Variants in EIF2AK4 observed in about 807,000 individuals in gnomAD.
EIF2AK4 encodes the protein eukaryotic translation initiation factor 2 alpha kinase 4, also known as eIF-2-alpha kinase GCN2.
In EIF2AK4, 139 loss-of-function variants were observed where a neutral mutation model predicts 211.1. The observed-to-expected ratio is 0.66, with a 90% CI of 0.57 to 0.76. The LOEUF (loss-of-function observed/expected upper bound fraction) is 0.76, where lower values mean the gene tolerates loss of function less well. Among genes scored for constraint, EIF2AK4 ranks in the 30% least tolerant of loss-of-function variants. EIF2AK4 has a pLI of 0.00. For synonymous variants in EIF2AK4, 710 were observed against 751.3 expected (o/e 0.94, Z 0.90); for missense variants, 1,664 against 2,043.8 (o/e 0.81, Z 3.58).
At chr15:39,960,941 G>A (rs2034463274) in intron 6 of EIF2AK4, among the ~76,000 whole-genome samples, 1 of 152,122 alleles carries the variant, frequency 6.6e-6, no homozygotes, top group Non-Finnish European at 1.5e-5. Context: ...AGAATGAGAG[G>A]GTGATCTCTC....
At chr15:39,987,538 G>T (rs1225750381) in intron 14 of EIF2AK4, among the ~76,000 whole-genome samples, 1 of 152,266 alleles carries the variant, frequency 6.6e-6, no homozygotes, top group African/African-American at 2.4e-5. Flanking sequence ...AGACTTGAAT[G>T]TTTTAATATT....
rs1434311420 is a variant in EIF2AK4 at position 40,019,081 on chromosome 15, G to A, written c.4066-12G>A. ...CTATTTCATAACCATAACTGTTTGT[G>A]TCTCTCCACAGATTCCCCAGTTTAG... On this transcript the variant is annotated splice_polypyrimidine_tract_variant and intron_variant, in intron 29 of 38. Coordinates refer to ENST00000263791, the MANE Select transcript of EIF2AK4 (RefSeq NM_001013703.4). 3 of 1,586,944 alleles carry A rather than the reference G, an allele frequency of 1.9e-6. No individual in the cohort carries two copies. Among genetic ancestry groups the A allele is most frequent in the East Asian group, 2.3e-5 (1 of 44,422 alleles).
Position 40,031,037 on chromosome 15 carries a change from C to T in EIF2AK4, c.4659+581C>T, listed in dbSNP as rs139969546. 6.7e-3 allele frequency among the ~76,000 whole-genome samples: 1,023 copies of T among 152,158 alleles called. 14 individuals carry two copies. Among genetic ancestry groups the T allele is most frequent in the East Asian group, 0.026 (137 of 5,182 alleles). On this transcript the variant is annotated intron_variant, in intron 35 of 38. Transcript: ENST00000263791. The stretch of plus-strand genomic sequence containing the variant: ...GGCGGATCACTTGAGGTCAGGAGTT[C>T]GAGACCACCCTGGCCAACATGGTGA...
intron 14 of EIF2AK4, among the ~76,000 whole-genome samples, chr15:39,987,484 C>G (rs1181155825): frequency 6.6e-6 from 1 of 152,186 alleles, no homozygotes; most frequent in Non-Finnish European, 1.5e-5. Flanking sequence ...TGTGAATACA[C>G]TCAAGAAGGG....
At chr15:39,975,528 C>G (rs2034682155) in intron 11 of EIF2AK4, 1 of 152,216 alleles carries the variant, frequency 6.6e-6, no homozygotes, top group Non-Finnish European at 1.5e-5. Context: ...CTCAGTTGAC[C>G]TGCACGGATG....
rs746660910 is a variant in EIF2AK4 at position 40,030,347 on chromosome 15, TCTTG to T, written c.4562-11_4562-8del. 1.2e-5 allele frequency: 20 copies of T among 1,613,264 alleles called. No individual in the cohort carries two copies. The Admixed American group carries it at 2.3e-4, about 19-fold the overall frequency. Reference sequence around the variant, plus strand: ...GATAAGGCCATAAATTCTGAAACTCTCTTGGTCTCAGGTTTGTTTGAAATCCATG... The same window carrying T: ...GATAAGGCCATAAATTCTGAAACTCTGTCTCAGGTTTGTTTGAAATCCATG... On this transcript the variant is annotated splice_polypyrimidine_tract_variant and splice_region_variant and intron_variant, in intron 34 of 38. Transcript: ENST00000263791.
At chr15:39,992,146 T>C (rs774902893) in intron 16 of EIF2AK4, 29 bp from the exon 17 acceptor site, 66 of 1,595,096 alleles carry the variant, frequency 4.1e-5, no homozygotes, top group Non-Finnish European at 5.5e-5. Context: ...CATGTTTTAA[T>C]TGGATATTTG....
chr15:39,997,760 C>T (rs985922254), intron 19 of EIF2AK4, among the ~76,000 whole-genome samples: 4 of 152,140 alleles, frequency 2.6e-5, no homozygotes, highest in Non-Finnish European at 5.9e-5. Flanking sequence ...ACTGCCTGAG[C>T]TAAAAAGGGA....
chr15:39,953,686 A>G (rs1029564663), intron 4 of EIF2AK4, among the ~76,000 whole-genome samples: 3 of 152,238 alleles, frequency 2.0e-5, no homozygotes, highest in African/African-American at 7.2e-5. Flanking sequence ...GCCCCTCCCC[A>G]CACACGCTCA....
chr15:40,008,748 T>A (rs1452447692), intron 25 of EIF2AK4, among the ~76,000 whole-genome samples: 1 of 152,106 alleles, frequency 6.6e-6, no homozygotes, highest in African/African-American at 2.4e-5. Flanking sequence ...GTTGGCCACC[T>A]TTTCTTCTCA....
intron 9 of EIF2AK4, among the ~76,000 whole-genome samples, chr15:39,970,501 C>T (rs939052681): frequency 1.3e-5 from 2 of 151,998 alleles, no homozygotes; most frequent in Admixed American, 6.6e-5. Context: ...TAAATAAATT[C>T]TGGTAGGTCC....
intron 8 of EIF2AK4, 66 bp downstream of exon 8, chr15:39,965,909 A>G (rs1244414874): frequency 1.3e-6 from 2 of 1,582,012 alleles, no homozygotes; most frequent in Non-Finnish European, 1.7e-6. Context: ...TGACAGAACA[A>G]AATAGCCCTG....
At chr15:39,949,017 G>T in intron 3 of EIF2AK4, 99 bp from the exon 4 acceptor site, 1 of 1,380,048 alleles carries the variant, frequency 7.2e-7, no homozygotes, top group South Asian at 1.3e-5. Flanking sequence ...TTCTAAGTGG[G>T]CCTCTGACCG....
chr15:39,997,664 G>A (rs1355053971), intron 19 of EIF2AK4, among the ~76,000 whole-genome samples: 2 of 152,186 alleles, frequency 1.3e-5, no homozygotes, highest in East Asian at 1.9e-4. Context: ...AAGTTAAAAC[G>A]GGTCCGAAAA....
In EIF2AK4 at chr15:39,967,602, C is replaced by G; in HGVS notation, c.1276C>G (p.Leu426Val). ...CAGCAATTCTGTGGTGCATAAGGTCCTGAGTGCATCTAATGTCTTGGTGGA... is the reference window on the plus strand; with the variant it reads ...CAGCAATTCTGTGGTGCATAAGGTCGTGAGTGCATCTAATGTCTTGGTGGA... Reference protein sequence around the residue: ...LHSNSVVHKVLSASNVLVDAE... With the variant: ...LHSNSVVHKVVSASNVLVDAE... Residue 426 changes from leucine (L) to valine (V), a missense_variant, in exon 9 of 39, where the codon CTG (leucine) becomes GTG (valine). By Grantham distance (32) the Leu-to-Val change is conservative. Coordinates refer to ENST00000263791, the MANE Select transcript of EIF2AK4 (RefSeq NM_001013703.4). 1 of 1,614,094 alleles carries G rather than the reference C, an allele frequency of 6.2e-7. No homozygotes were observed.
At chr15:39,991,958 C>T (rs1008288109) in intron 16 of EIF2AK4, 14 of 452,724 alleles carry the variant, frequency 3.1e-5, no homozygotes, top group Non-Finnish European at 5.1e-5. Flanking sequence ...AAGAGTTGTA[C>T]AGTGATTGCC....
At chr15:39,956,914 T>A (rs1013102536) in intron 6 of EIF2AK4, among the ~76,000 whole-genome samples, 16 of 152,216 alleles carry the variant, frequency 1.1e-4, no homozygotes, top group Non-Finnish European at 2.1e-4. Flanking sequence ...TTTCCCTAAT[T>A]ATCTACTACT....
intron 21 of EIF2AK4, among the ~76,000 whole-genome samples, chr15:40,001,891 A>C (rs961339484): frequency 1.3e-5 from 2 of 152,192 alleles, no homozygotes; most frequent in African/African-American, 2.4e-5. Context: ...TCTGAAGTGT[A>C]GCCAGGTTGC....
At chr15:40,020,662 C>T (rs1260709265) in intron 30 of EIF2AK4, 1 of 227,614 alleles carries the variant, frequency 4.4e-6, no homozygotes, top group South Asian at 8.6e-5. Context: ...GTACTCCAGC[C>T]TGGGTGACAG....
Sources: gnomAD v4.1 joint callset for allele counts (sites outside exome capture counted in the v4.1 genomes callset) on GRCh38, gnomAD v4.1.1 for gene constraint, MANE v1.5 for transcripts, NCBI Gene and HGNC (gene_info 2026-07-23, HGNC 2026-07-21) for gene names.